NEIL3: variants seen among roughly 807,000 people sequenced by gnomAD.
The protein encoded by NEIL3 is endonuclease 8-like 3.
In NEIL3, 48 loss-of-function variants were observed where a neutral mutation model predicts 57.5. The observed-to-expected ratio is 0.83, with a 90% CI of 0.66 to 1.06. The LOEUF is 1.06. Ranked by LOEUF, NEIL3 falls within the 50% of genes least tolerant of loss-of-function variation. The pLI, the probability that NEIL3 is intolerant of heterozygous loss-of-function variation, is 0.00. For missense variants in NEIL3, 717 were observed against 739.1 expected (o/e 0.97, Z 0.35); for synonymous variants, 261 against 253.2 (o/e 1.03, Z -0.29).
At chr4:177,322,713 G>GAATCACAACCTCTCAT in intron 2 of NEIL3, 133 bp downstream of exon 2, 1 of 957,160 alleles carries the variant, frequency 1.0e-6, no homozygotes, top group Non-Finnish European at 1.6e-6. Flanking sequence ...CAATATGAGA[G>GAATCACAACCTCTCAT]GTTGTGATTC....
downstream of NEIL3, among the ~76,000 whole-genome samples, chr4:177,367,583 G>A (rs1735708058): frequency 2.0e-5 from 3 of 152,306 alleles, no homozygotes; most frequent in South Asian, 6.2e-4. Context: ...GACTCCCACA[G>A]CAGCAGAACC....
chr4:177,351,206 CAAAAAAAAAAAAAAAAAAAA>C lies in NEIL3; in HGVS notation c.870-161_870-142del, dbSNP rs749430879. Reference sequence around the variant, plus strand: ...ATGACAGAGCAAGACCCCATCTCTACAAAAAAAAAAAAAAAAAAAAAAAAAAAAAAAAGACTCTAAGATAC... The same window carrying C: ...ATGACAGAGCAAGACCCCATCTCTACAAAAAAAAAAAAGACTCTAAGATAC... On this transcript the variant is annotated intron_variant, in intron 6 of 9. Coordinates refer to ENST00000264596, the MANE Select transcript of NEIL3 (RefSeq NM_018248.3). Among the ~76,000 whole-genome samples the C allele has an allele frequency of 8.5e-5, 5 of 58,516 alleles. No individual in the cohort carries two copies. In the East Asian group the frequency reaches 4.0e-3, roughly 47 times the overall value. The allele number at this position is 58,516 out of a possible 152,430, so 38.4% of individuals were successfully genotyped here. A position where few individuals can be genotyped will look rare whatever the true frequency, so the allele number is the denominator to read the frequency against.
Position 177,353,584 on chromosome 4 carries a change from A to G in NEIL3, c.1316A>G (p.Asp439Gly), listed in dbSNP as rs1329475623. Residue 439 changes from aspartate to glycine, a missense_variant, in exon 8 of 10, where the codon GAT becomes GGT. Transcript: ENST00000264596. ...CACCCCTCCAAGAAGACAACAAACG[A>G]TATAACTCAACCATCCAGCAAAGTA... ...IQHPSKKTTN[D>G]ITQPSSKVNI... 6.2e-7 allele frequency: 1 copy of G among 1,613,460 alleles called. No individual in the cohort carries two copies. Among genetic ancestry groups the G allele is most frequent in the Non-Finnish European group, 8.5e-7 (1 of 1,179,514 alleles).
rs775038875 is a variant in NEIL3 at position 177,335,758 on chromosome 4, C to T, written c.349C>T (p.Pro117Ser). Residue 117 changes from proline to serine, a missense_variant, in exon 3 of 10, where the codon CCT becomes TCT. Pro to Ser is a moderately conservative substitution (Grantham distance 74, BLOSUM62 -1). Coordinates refer to ENST00000264596, the MANE Select transcript of NEIL3 (RefSeq NM_018248.3). ...GTATAAATATAAAAATGGAGCTTCTCCTGTTTTGGAAGTGCAGCTCACCAA... is the reference window on the plus strand; with the variant it reads ...GTATAAATATAAAAATGGAGCTTCTTCTGTTTTGGAAGTGCAGCTCACCAA... ...LEYKYKNGAS[P>S]VLEVQLTKDL... The T allele has an allele frequency of 1.3e-6, 2 of 1,594,890 alleles. No homozygotes were observed. The highest frequency in any genetic ancestry group is 1.4e-5 in the African/African-American group (1 of 74,008).
At chr4:177,335,966 T>G (rs947340294) in intron 3 of NEIL3, 142 bp from the exon 4 acceptor site, 25 of 1,032,332 alleles carry the variant, frequency 2.4e-5, no homozygotes, top group Non-Finnish European at 3.3e-5. Flanking sequence ...GATAATATAA[T>G]TTGTAAGGTC....
intron 2 of NEIL3, among the ~76,000 whole-genome samples, chr4:177,331,089 C>T (rs751237713): frequency 3.6e-4 from 55 of 152,118 alleles, no homozygotes; most frequent in Non-Finnish European, 2.8e-4. Context: ...CCTTGAAAGA[C>T]ACAAATTATC....
intron 6 of NEIL3, 141 bp from the exon 7 acceptor site, chr4:177,351,230 AAAAAAAAAG>A: frequency 4.1e-5 from 15 of 366,832 alleles, no homozygotes; most frequent in South Asian, 1.2e-4. Flanking sequence ...AAAAAAAAAA[AAAAAAAAAG>A]ACTCTAAGAT....
chr4:177,339,213 C>A (rs1234554858), intron 4 of NEIL3, among the ~76,000 whole-genome samples: 1 of 152,186 alleles, frequency 6.6e-6, no homozygotes, highest in Non-Finnish European at 1.5e-5. Flanking sequence ...TTACTGATAA[C>A]ATAGTTCACA....
intron 3 of NEIL3, 119 bp from the exon 4 acceptor site, chr4:177,335,989 A>G (rs932518893): frequency 1.5e-5 from 15 of 1,020,204 alleles, no homozygotes; most frequent in African/African-American, 1.5e-4. Context: ...TGTTGTTTGC[A>G]TATGTAACTC....
At chr4:177,369,987 G>A in the NEIL3 span, among the ~76,000 whole-genome samples, 912 of 152,266 alleles carry the variant, frequency 6.0e-3, 43 homozygotes, top group East Asian at 0.12. Flanking sequence ...TAACAATGGC[G>A]ATAACCTTAA....
In NEIL3 at chr4:177,360,628, A is replaced by G. The variant is rs551745499; in HGVS notation, c.1586A>G (p.Gln529Arg). 7 of 1,613,866 alleles carry G rather than the reference A, an allele frequency of 4.3e-6. No homozygotes were observed. Among genetic ancestry groups the G allele is most frequent in the Non-Finnish European group, 5.9e-6 (7 of 1,179,880 alleles). The change falls in exon 9 of 10, where the codon CAG (glutamine) becomes CGG (arginine). Residue 529 changes from glutamine (Q) to arginine (R), a missense_variant. Transcript: ENST00000264596. ...VGKDGENKGR[Q>R]FYACPLPREA... is the part of the protein sequence containing the mutation. ...AAGGATGGGGAAAACAAGGGCAGGC[A>G]GTTTTATGCCTGTCCTCTACCTAGA...
At chr4:177,354,023 C>T (rs1735422303) in intron 8 of NEIL3, 1 of 280,892 alleles carries the variant, frequency 3.6e-6, no homozygotes. Flanking sequence ...ACCTCCGCCT[C>T]TCAAGGTGCT....
intron 7 of NEIL3, 73 bp from the exon 8 acceptor site, chr4:177,353,235 T>G: frequency 7.7e-7 from 1 of 1,299,340 alleles, no homozygotes; most frequent in Non-Finnish European, 1.1e-6. Flanking sequence ...TTTAATCAAA[T>G]AAAAAGATGT....
chr4:177,333,874 G>T lies in NEIL3; in HGVS notation c.279-1814G>T, dbSNP rs187120303. On this transcript the variant is annotated intron_variant, in intron 2 of 9. Transcript: ENST00000264596. ...TGAATCAACTGTATCAAAGGCACAG[G>T]ATCTGAGAAAACGACAGAGACCTGT... is the stretch of plus-strand genomic sequence containing the variant. Among the ~76,000 whole-genome samples, 11 of 152,222 alleles carry T rather than the reference G, an allele frequency of 7.2e-5. No homozygotes were observed. In the East Asian group the frequency reaches 2.1e-3, roughly 30 times the overall value.
rs1735295224 is a variant in NEIL3, at chr4:177,349,050, T to G, written c.870-2330T>G. 2.8e-5 allele frequency among the ~76,000 whole-genome samples: 4 copies of G among 143,826 alleles called. No individual in the cohort carries two copies. The South Asian group carries it at 9.3e-4, about 34-fold the overall frequency. The allele number at this position is 143,826 out of a possible 152,430, so 94.4% of individuals were successfully genotyped here. A position where few individuals can be genotyped will look rare whatever the true frequency, so the allele number is the denominator to read the frequency against. On this transcript the variant is annotated intron_variant, in intron 6 of 9. Transcript: ENST00000264596. Reference sequence around the variant, plus strand: ...ACCTGGCTAATTTTTTTTTTTTTTTTTTTTTGTATTTTTAGTAGAGACGGG... The same window carrying G: ...ACCTGGCTAATTTTTTTTTTTTTTTGTTTTTGTATTTTTAGTAGAGACGGG...
rs760412023 is a variant in NEIL3, at chr4:177,335,670, G to T, written c.279-18G>T. ...GATATACTTTCTGCCACTCAAAAAT[G>T]GTTTGATTTTGTTTCAGGATTCATT... On this transcript the variant is annotated intron_variant, in intron 2 of 9. Coordinates refer to ENST00000264596, the MANE Select transcript of NEIL3 (RefSeq NM_018248.3). 43 of 1,606,772 alleles carry T rather than the reference G, an allele frequency of 2.7e-5. No individual in the cohort carries two copies. The highest frequency in any genetic ancestry group is 3.5e-5 in the Non-Finnish European group (41 of 1,176,986).
intron 6 of NEIL3, among the ~76,000 whole-genome samples, chr4:177,347,613 C>T (rs573728324): frequency 6.6e-6 from 1 of 151,868 alleles, no homozygotes; most frequent in Non-Finnish European, 1.5e-5. Context: ...GCGGCAGCAT[C>T]GGGGGCTCTC....
downstream of NEIL3, among the ~76,000 whole-genome samples, chr4:177,365,502 C>T (rs1456159374): frequency 6.6e-6 from 1 of 152,128 alleles, no homozygotes; most frequent in Non-Finnish European, 1.5e-5. Context: ...TGAGTTAACT[C>T]ATCACCACTA....
chr4:177,312,871 A>T (rs557917749), intron 1 of NEIL3, among the ~76,000 whole-genome samples: 1 of 152,172 alleles, frequency 6.6e-6, no homozygotes, highest in South Asian at 2.1e-4. Flanking sequence ...ATCTGAAAAA[A>T]AAAACATAAT....
Sources: allele counts gnomAD v4.1 joint callset (sites outside exome capture counted in the v4.1 genomes callset), GRCh38; gene constraint gnomAD v4.1.1; transcripts MANE v1.5; gene names NCBI Gene and HGNC (gene_info 2026-07-23, HGNC 2026-07-21).